NAV2: variants seen among roughly 807,000 people sequenced by gnomAD.
NAV2 encodes neuron navigator 2.
Under a neutral mutation model 223.2 loss-of-function variants are expected in NAV2, and 54 were observed. The observed-to-expected ratio is 0.24, with a 90% confidence interval of 0.19 to 0.30. The LOEUF is 0.30. NAV2 is among the 10% of genes least tolerant of loss of function. The pLI is 1.00. For missense variants in NAV2, 2,806 were observed against 3,147.5 expected (o/e 0.89, Z 2.60); for synonymous variants, 1,279 against 1,239.3 (o/e 1.03, Z -0.67).
chr11:19,405,960 C>G (rs528211591), intron 1 of NAV2, among the ~76,000 whole-genome samples: 2 of 152,270 alleles, frequency 1.3e-5, no homozygotes, highest in South Asian at 4.1e-4. Context: ...ATAAACAAGA[C>G]AGGGTCACTG....
At chr11:20,108,915 G>A (rs1369163557) in intron 36 of NAV2, among the ~76,000 whole-genome samples, 1 of 152,214 alleles carries the variant, frequency 6.6e-6, no homozygotes, top group East Asian at 1.9e-4. Context: ...ATCACATGTG[G>A]CTGAATAATC....
At chr11:19,741,570 A>T (rs2152459057) in intron 1 of NAV2, among the ~76,000 whole-genome samples, 1 of 140,054 alleles carries the variant, frequency 7.1e-6, no homozygotes, top group Middle Eastern at 3.7e-3. Context: ...GTCTGGGCTT[A>T]TTTCACTTAG....
intron 4 of NAV2, among the ~76,000 whole-genome samples, chr11:19,869,596 C>T (rs1190884684): frequency 6.6e-6 from 1 of 152,156 alleles, no homozygotes. Context: ...TCAGCCACCT[C>T]AGACAACAAG....
chr11:19,864,771 G>C (rs187190941), intron 3 of NAV2, among the ~76,000 whole-genome samples: 1 of 152,186 alleles, frequency 6.6e-6, no homozygotes, highest in African/African-American at 2.4e-5. Context: ...CACTGCACAA[G>C]GTGGAGGCCA....
intron 18 of NAV2, among the ~76,000 whole-genome samples, chr11:20,055,350 G>A (rs1015727593): frequency 5.9e-5 from 9 of 152,160 alleles, no homozygotes; most frequent in African/African-American, 2.2e-4. Flanking sequence ...TGTTCATACT[G>A]TTCTTTCCCA....
At chr11:19,915,960 C>A (rs2043767634) in intron 6 of NAV2, among the ~76,000 whole-genome samples, 1 of 152,208 alleles carries the variant, frequency 6.6e-6, no homozygotes, top group African/African-American at 2.4e-5. Context: ...GTATACCTGT[C>A]ATCTGACATT....
intron 9 of NAV2, 95 bp from the exon 10 acceptor site, chr11:19,948,596 G>A (rs1057216577): frequency 7.7e-5 from 101 of 1,305,772 alleles, no homozygotes; most frequent in Middle Eastern, 2.4e-4. Flanking sequence ...TTTTATATAT[G>A]AGGATTATTT....
intron 1 of NAV2, among the ~76,000 whole-genome samples, chr11:19,654,292 G>C (rs538861161): frequency 1.4e-3 from 215 of 152,256 alleles, no homozygotes; most frequent in African/African-American, 4.8e-3. Context: ...GGAAGAATCA[G>C]TATCATGAAA....
rs1261817252 is a variant in NAV2 at position 19,939,703 on chromosome 11, C to T, written c.2076C>T (p.Ser692=). 2.5e-6 allele frequency: 4 copies of T among 1,614,140 alleles called. No homozygotes were observed. In the Admixed American group the frequency reaches 5.0e-5, roughly 20 times the overall value. ...DTEGNVTAES[S]STGVSVEPSH... ...AAGGGAATGTTACTGCCGAGTCAAG[C>T]TCAACAGGTGTGAGCGTGGAGCCCA... The change falls in exon 8 of 38, where the codon AGC becomes AGT. Residue 692 remains serine (S), a synonymous_variant. Transcript: ENST00000349880.
chr11:19,650,402 CAG>C (rs2047937563), intron 1 of NAV2, among the ~76,000 whole-genome samples: 1 of 152,194 alleles, frequency 6.6e-6, no homozygotes, highest in South Asian at 2.1e-4. Flanking sequence ...TAAGAGGCTT[CAG>C]AGAGAGCGTG....
chr11:20,065,294 G>A (rs2058972966), intron 20 of NAV2, among the ~76,000 whole-genome samples: 1 of 152,228 alleles, frequency 6.6e-6, no homozygotes, highest in African/African-American at 2.4e-5. Flanking sequence ...CCAGACCAAG[G>A]AGCCTGCTGA....
At chr11:19,444,246 T>C (rs981664592) in intron 1 of NAV2, among the ~76,000 whole-genome samples, 1 of 152,212 alleles carries the variant, frequency 6.6e-6, no homozygotes, top group Admixed American at 6.5e-5. Context: ...TGGCCCTTAT[T>C]ATTATCTTTA....
intron 8 of NAV2, among the ~76,000 whole-genome samples, chr11:19,940,495 T>A (rs2046317719): frequency 6.6e-6 from 1 of 152,226 alleles, no homozygotes; most frequent in Admixed American, 6.5e-5. Context: ...TCCAAAACTC[T>A]GTGTCCCAAG....
chr11:19,512,375 T>C (rs1031789942), intron 1 of NAV2, among the ~76,000 whole-genome samples: 1 of 152,110 alleles, frequency 6.6e-6, no homozygotes, highest in Non-Finnish European at 1.5e-5. Flanking sequence ...CTGGCCTCCA[T>C]GAGAGGAGAC....
chr11:20,084,512 AG>A (rs1472135556), intron 26 of NAV2, among the ~76,000 whole-genome samples: 1 of 152,208 alleles, frequency 6.6e-6, no homozygotes, highest in Non-Finnish European at 1.5e-5. Flanking sequence ...CCCTAGTAAG[AG>A]GTAGCCACAG....
intron 3 of NAV2, among the ~76,000 whole-genome samples, chr11:19,858,552 C>T (rs2061514337): frequency 6.6e-6 from 1 of 152,142 alleles, no homozygotes; most frequent in African/African-American, 2.4e-5. Flanking sequence ...CTTTGAAATA[C>T]CAATTTCCTT....
intron 1 of NAV2, among the ~76,000 whole-genome samples, chr11:19,609,584 T>C (rs2046577117): frequency 6.6e-6 from 1 of 152,196 alleles, no homozygotes; most frequent in South Asian, 2.1e-4. Context: ...AGTTGGTGGT[T>C]TGTAGGTTAG....
At chr11:19,561,529 CTT>C (rs2045097909) in intron 1 of NAV2, among the ~76,000 whole-genome samples, 2 of 152,282 alleles carry the variant, frequency 1.3e-5, no homozygotes, top group South Asian at 2.1e-4. Context: ...GTAAATTTCT[CTT>C]GTTAATCAGT....
intron 1 of NAV2, among the ~76,000 whole-genome samples, chr11:19,689,527 G>T (rs1473349521): frequency 6.6e-6 from 1 of 152,204 alleles, no homozygotes; most frequent in Non-Finnish European, 1.5e-5. Flanking sequence ...TCCTCCCCAG[G>T]CTGCATTCAT....
Sources: gnomAD v4.1 joint callset for allele counts (sites outside exome capture counted in the v4.1 genomes callset) on GRCh38, gnomAD v4.1.1 for gene constraint, MANE v1.5 for transcripts, NCBI Gene and HGNC (gene_info 2026-07-23, HGNC 2026-07-21) for gene names.